KIFC3: variants seen among roughly 807,000 people sequenced by gnomAD.
KIFC3 encodes the protein kinesin-like protein KIFC3.
A neutral mutation model predicts 101.8 loss-of-function variants in KIFC3; 60 were observed. The observed-to-expected ratio is 0.59, with a 90% CI of 0.48 to 0.73. KIFC3 has a LOEUF of 0.73. KIFC3 is among the 30% of genes least tolerant of loss of function. The pLI, the probability that KIFC3 is intolerant of heterozygous loss-of-function variation, is 0.00. For missense variants in KIFC3, 966 were observed against 1,137.1 expected (o/e 0.85, Z 2.16); for synonymous variants, 476 against 482.7 (o/e 0.99, Z 0.18).
At chr16:57,841,938 T>G (rs1006410604) in intron 1 of KIFC3, among the ~76,000 whole-genome samples, 2 of 147,140 alleles carry the variant, frequency 1.4e-5, no homozygotes, top group Non-Finnish European at 3.0e-5. Context: ...GGCTCCTGTC[T>G]TTCTACTCTT....
chr16:57,814,655 A>T (rs913052461), intron 1 of KIFC3, among the ~76,000 whole-genome samples: 1 of 151,828 alleles, frequency 6.6e-6, no homozygotes, highest in Non-Finnish European at 1.5e-5. Flanking sequence ...TTGGAGACAA[A>T]TGCTCTGTCA....
chr16:57,834,923 C>G (rs782751399), intron 1 of KIFC3, among the ~76,000 whole-genome samples: 1 of 152,226 alleles, frequency 6.6e-6, no homozygotes, highest in Non-Finnish European at 1.5e-5. Flanking sequence ...CCTTTGTCAT[C>G]ACTGCTGCCA....
chr16:57,816,075 G>A (rs540883363), intron 1 of KIFC3: 37 of 632,084 alleles, frequency 5.9e-5, no homozygotes, highest in South Asian at 1.9e-4. Context: ...GGCCATCCAC[G>A]TACCCACAGG....
At chr16:57,847,193 G>GGAAGGAAGGAAGGAA in intron 1 of KIFC3, among the ~76,000 whole-genome samples, 1 of 46,162 alleles carries the variant, frequency 2.2e-5, no homozygotes, top group East Asian at 6.6e-4. Context: ...GAAGGAAGGA[G>GGAAGGAAGGAAGGAA]GGAAGGAAGG....
At chr16:57,804,740 C>A (rs925303120), upstream of KIFC3, among the ~76,000 whole-genome samples, 1 of 151,744 alleles carries the variant, frequency 6.6e-6, no homozygotes, top group African/African-American at 2.4e-5. Context: ...CAGGCACACA[C>A]CAGTGTGCCT....
At chr16:57,857,773 C>T (rs1410909621) in intron 1 of KIFC3, among the ~76,000 whole-genome samples, 1 of 148,102 alleles carries the variant, frequency 6.8e-6, no homozygotes, top group African/African-American at 2.5e-5. Flanking sequence ...ATATGTGCCA[C>T]ATTTTCTTTT....
intron 1 of KIFC3, among the ~76,000 whole-genome samples, chr16:57,854,399 G>A (rs995051027): frequency 4.6e-5 from 7 of 152,130 alleles, no homozygotes; most frequent in Admixed American, 3.3e-4. Context: ...AGGCCAAGGC[G>A]GGCAAATCAC....
At chr16:57,824,750 T>A (rs533545773) in intron 1 of KIFC3, among the ~76,000 whole-genome samples, 2 of 152,142 alleles carry the variant, frequency 1.3e-5, no homozygotes, top group Non-Finnish European at 2.9e-5. Context: ...AAATCACTAC[T>A]GAGGCCCTGT....
chr16:57,816,182 A>G, intron 1 of KIFC3: 2 of 1,269,738 alleles, frequency 1.6e-6, no homozygotes, highest in Non-Finnish European at 1.0e-6. Flanking sequence ...TCCCACTTCT[A>G]ATAGTTCATC....
chr16:57,775,095 C>A (rs549021026), intron 3 of KIFC3: 2 of 1,490,134 alleles, frequency 1.3e-6, no homozygotes, highest in South Asian at 2.7e-5. Context: ...CACCTGCCTG[C>A]GGCCCAGGGT....
intron 1 of KIFC3, among the ~76,000 whole-genome samples, chr16:57,833,133 G>A (rs562663626): frequency 2.7e-5 from 4 of 150,804 alleles, no homozygotes; most frequent in South Asian, 4.2e-4. Flanking sequence ...TTGAACCTGG[G>A]AGGTAGAGGT....
At chr16:57,861,104 G>A (rs987542593) in intron 1 of KIFC3, among the ~76,000 whole-genome samples, 4 of 152,152 alleles carry the variant, frequency 2.6e-5, no homozygotes, top group Non-Finnish European at 2.9e-5. Context: ...CTTGTGACGG[G>A]CTATTAGTAT....
intron 3 of KIFC3, among the ~76,000 whole-genome samples, chr16:57,773,082 C>A (rs915984040): frequency 6.6e-6 from 1 of 152,200 alleles, no homozygotes; most frequent in Non-Finnish European, 1.5e-5. Flanking sequence ...TCAGCCCACC[C>A]CCAGAAACCT....
chr16:57,784,625 C>G (rs1370757775), intron 3 of KIFC3, among the ~76,000 whole-genome samples: 1 of 152,062 alleles, frequency 6.6e-6, no homozygotes, highest in Non-Finnish European at 1.5e-5. Context: ...AGTGCTGGGC[C>G]CAGAGCTCAG....
chr16:57,758,313 C>A lies in KIFC3; in HGVS notation c.*621G>T. 4.1e-6 allele frequency: 1 copy of A among 246,374 alleles called. No homozygotes were observed. 15.3% of individuals were successfully genotyped at this position (246,374 alleles called of 1,614,324 possible). On this transcript the variant is annotated 3_prime_UTR_variant, in exon 20 of 20. Coordinates refer to ENST00000445690, the MANE Select transcript of KIFC3 (RefSeq NM_001130100.2). ...TCAGAGGGAAGAAAATTCGAGAGACCAGCGAGCCAGGCAGGTGAGCGAGCA... is the reference window on the plus strand; with the variant it reads ...TCAGAGGGAAGAAAATTCGAGAGACAAGCGAGCCAGGCAGGTGAGCGAGCA...
At chr16:57,776,273 G>A (rs74022040) in intron 3 of KIFC3, 113,934 of 985,390 alleles carry the variant, frequency 0.12, 6,990 homozygotes, top group African/African-American at 0.21. Context: ...CCAGCGGGGC[G>A]GCCCTGGGAG....
At chr16:57,794,175 C>T (rs1333305534) in intron 3 of KIFC3, among the ~76,000 whole-genome samples, 2 of 152,004 alleles carry the variant, frequency 1.3e-5, no homozygotes, top group East Asian at 1.9e-4. Flanking sequence ...TTACTATTAT[C>T]GTTATGTATT....
intron 1 of KIFC3, among the ~76,000 whole-genome samples, chr16:57,862,036 T>C (rs1475233672): frequency 2.0e-5 from 3 of 152,142 alleles, no homozygotes; most frequent in Non-Finnish European, 4.4e-5. Context: ...GTCATATGTA[T>C]AGATCATCAA....
chr16:57,771,688 T>G lies in KIFC3; in HGVS notation c.382-2A>C. The stretch of plus-strand genomic sequence containing the variant: ...GTGCTTCTCCAAGTCGGTGCCCCCC[T>G]GCAGAGAGCCAGGGCCGAGGGGGCG... On this transcript the variant is annotated splice_acceptor_variant, in intron 4 of 19. Coordinates refer to ENST00000445690, the MANE Select transcript of KIFC3 (RefSeq NM_001130100.2). LOFTEE classifies it high-confidence loss of function. 6.2e-7 allele frequency: 1 copy of G among 1,610,280 alleles called. No individual in the cohort carries two copies. The highest frequency in any genetic ancestry group is 8.5e-7 in the Non-Finnish European group (1 of 1,178,726).
Sources: allele counts gnomAD v4.1 joint callset (sites outside exome capture counted in the v4.1 genomes callset), GRCh38; gene constraint gnomAD v4.1.1; transcripts MANE v1.5; gene names NCBI Gene and HGNC (gene_info 2026-07-23, HGNC 2026-07-21).